AKAP6: variants seen among roughly 807,000 people sequenced by gnomAD.
The protein encoded by AKAP6 is A-kinase anchoring protein 6, also known as A-kinase anchor protein 6.
AKAP6 carries 58 observed loss-of-function variants against 188.5 expected under a neutral mutation model. That is an observed-to-expected ratio of 0.31 (90% CI 0.25 to 0.38). AKAP6 has a LOEUF of 0.38. AKAP6 is among the 10% of genes least tolerant of loss of function. AKAP6 has a pLI of 1.00. For synonymous variants in AKAP6, 989 were observed against 998.6 expected, an observed-to-expected ratio of 0.99 and a Z score of 0.18; for missense variants, 2,710 against 2,740.0, an observed-to-expected ratio of 0.99 and a Z score of 0.24.
intron 7 of AKAP6, among the ~76,000 whole-genome samples, chr14:32,618,555 C>T (rs768663122): frequency 6.6e-6 from 1 of 152,096 alleles, no homozygotes; most frequent in Non-Finnish European, 1.5e-5. Context: ...AGTAGTATTC[C>T]GTGGTGTATG....
At chr14:32,502,121 G>A (rs142834538) in intron 2 of AKAP6, among the ~76,000 whole-genome samples, 94 of 152,196 alleles carry the variant, frequency 6.2e-4, no homozygotes, top group African/African-American at 2.2e-3. Context: ...TGTATTTTAT[G>A]TTATAATGAA....
intron 13 of AKAP6, among the ~76,000 whole-genome samples, chr14:32,828,523 TCTCTCTCACACACA>T (rs1394378639): frequency 9.2e-4 from 29 of 31,382 alleles, no homozygotes; most frequent in African/African-American, 1.6e-3. Flanking sequence ...TCTCTCTCTC[TCTCTCTCACACACA>T]CACACACACA....
At chr14:32,623,011 G>A (rs1271052117) in intron 7 of AKAP6, among the ~76,000 whole-genome samples, 1 of 152,066 alleles carries the variant, frequency 6.6e-6, no homozygotes, top group African/African-American at 2.4e-5. Context: ...GTGGTAGGGT[G>A]TGTGAAAAAT....
intron 2 of AKAP6, among the ~76,000 whole-genome samples, chr14:32,475,087 C>T (rs1375368676): frequency 3.3e-5 from 5 of 152,114 alleles, no homozygotes; most frequent in South Asian, 4.1e-4. Context: ...GTGTAGTACT[C>T]GTCTATAATT....
At chr14:32,741,740 A>C (rs181024285) in intron 11 of AKAP6, among the ~76,000 whole-genome samples, 583 of 146,540 alleles carry the variant, frequency 4.0e-3, no homozygotes, top group South Asian at 0.017. Flanking sequence ...TAATCTTTTT[A>C]ATGTATTATT....
chr14:32,330,906 G>A (rs972822338), intron 1 of AKAP6, among the ~76,000 whole-genome samples: 3 of 151,826 alleles, frequency 2.0e-5, no homozygotes, highest in Admixed American at 6.6e-5. Context: ...GGTCAGCTCA[G>A]CCTGGCTTTA....
chr14:32,807,043 G>T (rs1310353482), intron 12 of AKAP6, among the ~76,000 whole-genome samples: 1 of 148,110 alleles, frequency 6.8e-6, no homozygotes, highest in Non-Finnish European at 1.5e-5. Context: ...GACAGAGCGA[G>T]ACTCCATCTC....
intron 5 of AKAP6, among the ~76,000 whole-genome samples, chr14:32,583,498 T>G (rs2139291069): frequency 6.6e-6 from 1 of 152,298 alleles, no homozygotes; most frequent in Middle Eastern, 3.4e-3. Flanking sequence ...CACTGCTCTC[T>G]TCAAAGGTGT....
intron 9 of AKAP6, among the ~76,000 whole-genome samples, chr14:32,725,750 AT>A (rs1302661423): frequency 6.6e-6 from 1 of 152,234 alleles, no homozygotes. Flanking sequence ...TCTGAAAAAA[AT>A]ATCAACCATA....
intron 9 of AKAP6, among the ~76,000 whole-genome samples, chr14:32,721,517 C>A (rs2030535428): frequency 6.6e-6 from 1 of 152,172 alleles, no homozygotes; most frequent in Non-Finnish European, 1.5e-5. Flanking sequence ...TTGAAAGTTT[C>A]ATTCTGTACC....
At chr14:32,530,707 G>C (rs968368935) in intron 2 of AKAP6, among the ~76,000 whole-genome samples, 1 of 151,966 alleles carries the variant, frequency 6.6e-6, no homozygotes. Context: ...TCACAAGAAG[G>C]GTGCCTCATT....
chr14:32,493,738 T>C (rs2138956000), intron 2 of AKAP6, among the ~76,000 whole-genome samples: 1 of 152,320 alleles, frequency 6.6e-6, no homozygotes, highest in South Asian at 2.1e-4. Flanking sequence ...ATTGATTCTA[T>C]AATATTCCAG....
At chr14:32,748,117 G>A (rs1198961698) in intron 11 of AKAP6, among the ~76,000 whole-genome samples, 1 of 152,198 alleles carries the variant, frequency 6.6e-6, no homozygotes, top group Non-Finnish European at 1.5e-5. Flanking sequence ...TTACTTAAAT[G>A]TAACTTTCTT....
chr14:32,335,931 A>AT (rs74332191), intron 1 of AKAP6, among the ~76,000 whole-genome samples: 101 of 112,758 alleles, frequency 9.0e-4, no homozygotes, highest in African/African-American at 2.0e-3. Context: ...GGAAAAGTTC[A>AT]TTTTTTTTTT....
At chr14:32,538,372 A>G (rs890091886) in intron 3 of AKAP6, among the ~76,000 whole-genome samples, 2 of 152,208 alleles carry the variant, frequency 1.3e-5, no homozygotes, top group African/African-American at 4.8e-5. Context: ...AAATTAGAAT[A>G]GTAGATGTCC....
At chr14:32,558,726 G>T (rs189202707) in intron 4 of AKAP6, among the ~76,000 whole-genome samples, 1 of 152,118 alleles carries the variant, frequency 6.6e-6, no homozygotes, top group African/African-American at 2.4e-5. Context: ...GATAGAGGTC[G>T]TCCTGAGGTC....
At chr14:32,449,687 G>A (rs1890874446) in intron 2 of AKAP6, among the ~76,000 whole-genome samples, 1 of 152,112 alleles carries the variant, frequency 6.6e-6, no homozygotes, top group African/African-American at 2.4e-5. Flanking sequence ...TATGGCCTGA[G>A]GACTGATAAT....
At chr14:32,335,763 C>T (rs1439841375) in intron 1 of AKAP6, among the ~76,000 whole-genome samples, 3 of 142,812 alleles carry the variant, frequency 2.1e-5, no homozygotes, top group African/African-American at 7.8e-5. Flanking sequence ...TTATCACCTG[C>T]TTTGTTTAAC....
intron 1 of AKAP6, among the ~76,000 whole-genome samples, chr14:32,420,909 T>TTGTGTG (rs71432053): frequency 0.06 from 8,717 of 146,464 alleles, 407 homozygotes; most frequent in East Asian, 0.14. Context: ...GGAGATTGAT[T>TTGTGTG]TGTGTGTGTG....
Sources: gnomAD v4.1 joint callset for allele counts (sites outside exome capture counted in the v4.1 genomes callset) on GRCh38, gnomAD v4.1.1 for gene constraint, MANE v1.5 for transcripts, NCBI Gene and HGNC (gene_info 2026-07-23, HGNC 2026-07-21) for gene names.